The following SLC22A23 variants were observed in gnomAD, a reference collection of about 807,000 sequenced individuals.
The protein encoded by SLC22A23 is ion transporter protein.
Under a neutral mutation model 61.0 loss-of-function variants are expected in SLC22A23, and 26 were observed. The observed-to-expected ratio is 0.43, with a 90% confidence interval of 0.31 to 0.59. The LOEUF is 0.59. SLC22A23 is among the 20% of genes least tolerant of loss of function. The pLI is 0.11. For missense variants in SLC22A23, 796 were observed against 934.7 expected (o/e 0.85, Z 1.94); for synonymous variants, 430 against 413.9 (o/e 1.04, Z -0.47).
chr6:3,363,496 C>T (rs73358736), intron 3 of SLC22A23, among the ~76,000 whole-genome samples: 143 of 152,336 alleles, frequency 9.4e-4, no homozygotes, highest in African/African-American at 3.3e-3. Context: ...GAATATGAGT[C>T]ATGGTTTTGT....
chr6:3,388,658 C>T (rs1767460503), intron 3 of SLC22A23, among the ~76,000 whole-genome samples: 1 of 152,180 alleles, frequency 6.6e-6, no homozygotes, highest in Non-Finnish European at 1.5e-5. Context: ...ACTCAAGTCT[C>T]CATCAACTGA....
chr6:3,356,462 T>TC (rs1175116859), intron 3 of SLC22A23, among the ~76,000 whole-genome samples: 2 of 152,074 alleles, frequency 1.3e-5, no homozygotes, highest in East Asian at 3.9e-4. Flanking sequence ...TAGCAGCCTC[T>TC]CACTTCCTCA....
rs1452386698 is a variant in SLC22A23 at position 3,414,401 on chromosome 6, T to C, written c.758+1351A>G. Among the ~76,000 whole-genome samples, 1 of 152,062 alleles carries C rather than the reference T, an allele frequency of 6.6e-6. No homozygotes were observed. Among genetic ancestry groups the C allele is most frequent in the Non-Finnish European group, 1.5e-5 (1 of 68,014 alleles). Reference sequence around the variant, plus strand: ...GCCCCCAAGAGGTCCCCTGCGTAGGTCTCCAGAGGTCACTGACTGCTTCTC... The same window carrying C: ...GCCCCCAAGAGGTCCCCTGCGTAGGCCTCCAGAGGTCACTGACTGCTTCTC... On this transcript the variant is annotated intron_variant, in intron 2 of 9. Coordinates refer to ENST00000406686, the MANE Select transcript of SLC22A23 (RefSeq NM_015482.2). The surrounding 1 kb of genome is among the most constrained non-coding windows in gnomAD (Gnocchi z 5.1).
In SLC22A23 at chr6:3,298,102, C is replaced by T. The variant is rs758131312; in HGVS notation, c.1199G>A (p.Gly400Asp). 1 of 1,570,252 alleles carries T rather than the reference C, an allele frequency of 6.4e-7. No homozygotes were observed. Among genetic ancestry groups the T allele is most frequent in the South Asian group, 1.2e-5 (1 of 83,770 alleles). The change falls in exon 5 of 10, where the codon GGT becomes GAT. Residue 400 changes from glycine (G) to aspartate (D), a missense_variant. Physicochemically the swap from Gly to Asp is moderately conservative, Grantham distance 94. Coordinates refer to ENST00000406686, the MANE Select transcript of SLC22A23 (RefSeq NM_015482.2). Reference protein sequence around the residue: ...NRMNPEGDIKGVIPELEKELS... With the variant: ...NRMNPEGDIKDVIPELEKELS... The stretch of plus-strand genomic sequence containing the variant: ...CGCGGTGTGCTCACCTGGTATCACA[C>T]CCTTGATGTCGCCCTCAGGGTTCAT...
At chr6:3,361,755 T>C (rs921901968) in intron 3 of SLC22A23, among the ~76,000 whole-genome samples, 8 of 152,164 alleles carry the variant, frequency 5.3e-5, no homozygotes, top group Admixed American at 2.0e-4. Flanking sequence ...CTGAATCACA[T>C]TGTGGGGGCA....
intron 3 of SLC22A23, among the ~76,000 whole-genome samples, chr6:3,400,323 C>G (rs992408350): frequency 6.6e-6 from 1 of 152,214 alleles, no homozygotes; most frequent in Non-Finnish European, 1.5e-5. Context: ...AGCTACCAGA[C>G]AGCCACAGTC....
intron 3 of SLC22A23, among the ~76,000 whole-genome samples, chr6:3,347,975 C>G (rs368522636): frequency 1.3e-5 from 2 of 152,204 alleles, no homozygotes; most frequent in African/African-American, 4.8e-5. Context: ...GATGTGTCAT[C>G]ATGGAGGCTT....
intron 3 of SLC22A23, among the ~76,000 whole-genome samples, chr6:3,374,939 C>T (rs940238695): frequency 6.6e-6 from 1 of 152,132 alleles, no homozygotes; most frequent in Admixed American, 6.5e-5. Flanking sequence ...TTTTAAGAAC[C>T]ATTTCTAAAG....
At chr6:3,399,548 C>T (rs1339096332) in intron 3 of SLC22A23, among the ~76,000 whole-genome samples, 3 of 152,108 alleles carry the variant, frequency 2.0e-5, no homozygotes, top group Admixed American at 6.5e-5. Flanking sequence ...AACAACAGGG[C>T]CAAGCCTATA....
At chr6:3,442,115 T>TCACACAC (rs1581898463) in intron 1 of SLC22A23, among the ~76,000 whole-genome samples, 1 of 152,128 alleles carries the variant, frequency 6.6e-6, no homozygotes, top group Non-Finnish European at 1.5e-5. Flanking sequence ...CAGGAAACGC[T>TCACACAC]CACACACGCT....
At chr6:3,313,031 C>T (rs1762450692) in intron 4 of SLC22A23, 1 of 152,208 alleles carries the variant, frequency 6.6e-6, no homozygotes, top group African/African-American at 2.4e-5. Context: ...GACAGCCACA[C>T]TGGCCTCCAG....
chr6:3,425,552 G>C (rs922348946), intron 1 of SLC22A23, among the ~76,000 whole-genome samples: 3 of 152,078 alleles, frequency 2.0e-5, no homozygotes, highest in African/African-American at 7.2e-5. Context: ...CCAAAGCGCT[G>C]GGATTACAGG....
intron 1 of SLC22A23, among the ~76,000 whole-genome samples, chr6:3,445,659 A>C (rs915061229): frequency 4.6e-5 from 7 of 152,190 alleles, no homozygotes; most frequent in African/African-American, 1.7e-4. Flanking sequence ...GCCGTCCTTC[A>C]GATGGAGACT....
At chr6:3,289,956 G>T in intron 5 of SLC22A23, 90 bp from the exon 6 acceptor site, 1 of 979,162 alleles carries the variant, frequency 1.0e-6, no homozygotes, top group Non-Finnish European at 1.6e-6. Context: ...TCCCCAGTTC[G>T]GGTACCACAG....
At chr6:3,416,516 T>C (rs1005460257) in intron 1 of SLC22A23, among the ~76,000 whole-genome samples, 6 of 152,376 alleles carry the variant, frequency 3.9e-5, no homozygotes, top group Admixed American at 2.0e-4. Flanking sequence ...TTCAGACTAT[T>C]ATATTGTTTA....
chr6:3,307,658 G>C (rs764370830), intron 4 of SLC22A23, among the ~76,000 whole-genome samples: 29 of 152,356 alleles, frequency 1.9e-4, no homozygotes, highest in Non-Finnish European at 3.1e-4. Context: ...CACCACGGTA[G>C]GTGCATGCTG....
intron 5 of SLC22A23, among the ~76,000 whole-genome samples, chr6:3,293,258 G>A (rs901429203): frequency 6.6e-6 from 1 of 152,168 alleles, no homozygotes; most frequent in Non-Finnish European, 1.5e-5. Context: ...AGGAGGAGGA[G>A]AAAGAGAATG....
intron 3 of SLC22A23, among the ~76,000 whole-genome samples, chr6:3,346,217 T>C (rs1317589788): frequency 2.0e-5 from 3 of 152,206 alleles, no homozygotes; most frequent in Admixed American, 6.5e-5. Context: ...GCGCCACCTC[T>C]GCTCGGGTCC....
rs1365406910 is a variant in SLC22A23 at position 3,457,029 on chromosome 6, C to G, written c.-470G>C. On this transcript the variant is annotated 5_prime_UTR_variant, in exon 1 of 10. Transcript: ENST00000406686. ...TCCGACTTCGGGCGCCTCCCGGAAG[C>G]CGCGAGCTCTGGACCCAGCCTGCCG... 6 of 152,478 alleles carry G rather than the reference C, an allele frequency of 3.9e-5. No homozygotes were observed. The highest frequency in any genetic ancestry group is 3.3e-4 in the Admixed American group (5 of 15,272). 9.4% of individuals were successfully genotyped at this position (152,478 alleles called of 1,614,324 possible). A position where few individuals can be genotyped will look rare whatever the true frequency, so the allele number is the denominator to read the frequency against.
Sources: gnomAD v4.1 joint callset for allele counts (sites outside exome capture counted in the v4.1 genomes callset) on GRCh38, gnomAD v4.1.1 for gene constraint, Gnocchi (gnomAD v3.1) non-coding constraint, MANE v1.5 for transcripts, NCBI Gene and HGNC (gene_info 2026-07-23, HGNC 2026-07-21) for gene names.